Variants in DPP10 observed in about 807,000 individuals in gnomAD.
The protein encoded by DPP10 is inactive dipeptidyl peptidase 10.
Under a neutral mutation model 120.9 loss-of-function variants are expected in DPP10, and 33 were observed. That is an observed-to-expected ratio of 0.27 (90% CI 0.21 to 0.37). The LOEUF (loss-of-function observed/expected upper bound fraction) is 0.37, where lower values mean the gene tolerates loss of function less well. DPP10 is among the 10% of genes least tolerant of loss of function. The probability of loss-of-function intolerance (pLI) is 1.00; values close to 1 mark genes in which losing one functional copy is unlikely to be tolerated. For synonymous variants in DPP10, 337 were observed against 326.1 expected (o/e 1.03, Z -0.36); for missense variants, 816 against 942.8 (o/e 0.87, Z 1.76).
chr2:115,660,942 C>T (rs2088910733), intron 5 of DPP10, among the ~76,000 whole-genome samples: 1 of 149,164 alleles, frequency 6.7e-6, no homozygotes, highest in Non-Finnish European at 1.5e-5. Flanking sequence ...AAATGTGCAA[C>T]CAGTTAAAAA....
At chr2:114,730,470 T>G (rs1016151715) in intron 1 of DPP10, among the ~76,000 whole-genome samples, 7 of 152,230 alleles carry the variant, frequency 4.6e-5, no homozygotes, top group Non-Finnish European at 1.0e-4. Flanking sequence ...ATAAAGTTCA[T>G]TTTTGCCTGG....
chr2:114,498,696 C>T (rs1682891379), intron 1 of DPP10, among the ~76,000 whole-genome samples: 1 of 152,154 alleles, frequency 6.6e-6, no homozygotes, highest in South Asian at 2.1e-4. Context: ...TCTGTGATAA[C>T]TAATCCCATG....
At chr2:115,799,390 A>G (rs866533147) in intron 19 of DPP10, among the ~76,000 whole-genome samples, 40 of 152,142 alleles carry the variant, frequency 2.6e-4, no homozygotes, top group Middle Eastern at 3.4e-3. Flanking sequence ...GTCCATCTAT[A>G]TAACATGTAG....
intron 4 of DPP10, among the ~76,000 whole-genome samples, chr2:115,514,959 T>G (rs1299542581): frequency 1.3e-5 from 2 of 151,878 alleles, no homozygotes; most frequent in Non-Finnish European, 2.9e-5. Flanking sequence ...TATATACATT[T>G]ATATGTGTGT....
intron 1 of DPP10, among the ~76,000 whole-genome samples, chr2:115,227,845 T>C (rs1010452796): frequency 1.1e-4 from 16 of 152,012 alleles, no homozygotes; most frequent in African/African-American, 3.6e-4. Flanking sequence ...TTTTCAAAAT[T>C]AATTATTTAT....
chr2:114,885,913 C>T (rs551995840), intron 1 of DPP10, among the ~76,000 whole-genome samples: 2 of 152,216 alleles, frequency 1.3e-5, no homozygotes, highest in South Asian at 2.1e-4. Context: ...ATAATAGAGA[C>T]GATAATTTCA....
intron 19 of DPP10, among the ~76,000 whole-genome samples, chr2:115,812,408 C>T (rs1196920183): frequency 6.6e-6 from 1 of 152,114 alleles, no homozygotes; most frequent in Non-Finnish European, 1.5e-5. Flanking sequence ...AGGCATGATT[C>T]GTGCTAGTTC....
chr2:114,825,167 G>A (rs953625429), intron 1 of DPP10, among the ~76,000 whole-genome samples: 3 of 152,098 alleles, frequency 2.0e-5, no homozygotes, highest in Non-Finnish European at 4.4e-5. Flanking sequence ...AATCAATCAG[G>A]GATCTTCCCT....
intron 5 of DPP10, among the ~76,000 whole-genome samples, chr2:115,552,366 C>A (rs998764764): frequency 6.6e-6 from 1 of 152,060 alleles, no homozygotes; most frequent in Non-Finnish European, 1.5e-5. Context: ...CGTCTATGCT[C>A]CCATTTACTT....
At chr2:114,470,210 T>G (rs1403883631) in intron 1 of DPP10, among the ~76,000 whole-genome samples, 1 of 152,160 alleles carries the variant, frequency 6.6e-6, no homozygotes, top group African/African-American at 2.4e-5. Context: ...CAAAGAGTGT[T>G]GTTGATTTAT....
intron 5 of DPP10, among the ~76,000 whole-genome samples, chr2:115,627,406 G>A (rs184760576): frequency 1.3e-5 from 2 of 152,236 alleles, no homozygotes; most frequent in African/African-American, 4.8e-5. Flanking sequence ...GTTGCACTTG[G>A]GAACAAAGTG....
chr2:115,100,661 A>G (rs12471239), intron 1 of DPP10, among the ~76,000 whole-genome samples: 34,850 of 151,928 alleles, frequency 0.23, 5,232 homozygotes, highest in African/African-American at 0.41. Context: ...TGGCATATGA[A>G]ATATGCTGAC....
intron 1 of DPP10, among the ~76,000 whole-genome samples, chr2:114,869,356 G>A (rs964774198): frequency 6.6e-6 from 1 of 152,146 alleles, no homozygotes; most frequent in African/African-American, 2.4e-5. Context: ...CTCCCAGCTT[G>A]TCTGAGTCTG....
intron 1 of DPP10, among the ~76,000 whole-genome samples, chr2:115,082,478 T>C (rs905257334): frequency 6.6e-5 from 10 of 152,216 alleles, no homozygotes; most frequent in African/African-American, 2.4e-4. Context: ...AAATGGCAAC[T>C]TGGCAGCTTT....
chr2:114,756,664 G>A (rs1048361886), intron 1 of DPP10, among the ~76,000 whole-genome samples: 3 of 152,182 alleles, frequency 2.0e-5, no homozygotes, highest in Non-Finnish European at 4.4e-5. Flanking sequence ...TCCAAGAAGA[G>A]CATGGGACGT....
In DPP10 at chr2:115,795,914, GCTCT is replaced by G. The variant is rs557093650; in HGVS notation, c.1700+4567_1700+4570del. On this transcript the variant is annotated intron_variant, in intron 19 of 25. Coordinates refer to ENST00000410059, the MANE Select transcript of DPP10 (RefSeq NM_020868.6). ...TCCTTTCTTTAGTTTATTGCTTTTT[GCTCT>G]CTCTCTCTTTTAGTTGCTTTTCCAC... Among the ~76,000 whole-genome samples, 488 of 151,580 alleles carry G rather than the reference GCTCT, an allele frequency of 3.2e-3. 1 individual carries two copies. Among genetic ancestry groups the G allele is most frequent in the Middle Eastern group, 6.8e-3 (2 of 294 alleles).
chr2:114,827,623 G>A (rs2106381771), intron 1 of DPP10, among the ~76,000 whole-genome samples: 1 of 152,276 alleles, frequency 6.6e-6, no homozygotes, highest in African/African-American at 2.4e-5. Flanking sequence ...TTGTGTGTGT[G>A]TGTGTTTGTG....
intron 1 of DPP10, among the ~76,000 whole-genome samples, chr2:115,286,582 C>A (rs2060413845): frequency 7.7e-6 from 1 of 129,816 alleles, no homozygotes; most frequent in Non-Finnish European, 1.6e-5. Context: ...AGTATTGAAG[C>A]ATTCTTACCA....
intron 5 of DPP10, among the ~76,000 whole-genome samples, chr2:115,637,297 A>G (rs989005746): frequency 6.6e-6 from 1 of 152,168 alleles, no homozygotes; most frequent in Non-Finnish European, 1.5e-5. Flanking sequence ...AAAAAATTAT[A>G]TACACAATAG....
Sources: allele counts gnomAD v4.1 joint callset (sites outside exome capture counted in the v4.1 genomes callset), GRCh38; gene constraint gnomAD v4.1.1; transcripts MANE v1.5; gene names NCBI Gene and HGNC (gene_info 2026-07-23, HGNC 2026-07-21).